The following GRM5 variants were observed in gnomAD, a reference collection of about 807,000 sequenced individuals.
The protein encoded by GRM5 is glutamate metabotropic receptor 5, also known as metabotropic glutamate receptor 5.
GRM5 carries 19 observed loss-of-function variants against 83.1 expected under a neutral mutation model. The observed-to-expected ratio is 0.23, with a 90% confidence interval of 0.16 to 0.34. The LOEUF (loss-of-function observed/expected upper bound fraction) is 0.34. GRM5 is among the 10% of genes least tolerant of loss of function. The pLI, the probability that GRM5 is intolerant of heterozygous loss-of-function variation, is 1.00. For missense variants in GRM5, 1,160 were observed against 1,588.3 expected, an observed-to-expected ratio of 0.73 and a Z score of 4.58; for synonymous variants, 675 against 633.6, an observed-to-expected ratio of 1.07 and a Z score of -0.98.
intron 3 of GRM5, among the ~76,000 whole-genome samples, chr11:88,815,302 C>A (rs192992283): frequency 6.6e-6 from 1 of 152,004 alleles, no homozygotes. Context: ...TATTTGGGAA[C>A]TAAATAAAAC....
intron 3 of GRM5, among the ~76,000 whole-genome samples, chr11:88,695,651 A>G (rs1301225702): frequency 6.6e-6 from 1 of 152,206 alleles, no homozygotes; most frequent in African/African-American, 2.4e-5. Context: ...CCTTCCAAAT[A>G]CAATGGTCCT....
intron 3 of GRM5, among the ~76,000 whole-genome samples, chr11:88,728,670 T>G (rs1254394833): frequency 1.3e-5 from 2 of 152,128 alleles, no homozygotes; most frequent in Non-Finnish European, 2.9e-5. Flanking sequence ...AAAAAGCTTA[T>G]CCACCAGTAT....
intron 3 of GRM5, among the ~76,000 whole-genome samples, chr11:88,785,997 T>C (rs558781730): frequency 3.9e-5 from 6 of 152,254 alleles, no homozygotes; most frequent in African/African-American, 1.4e-4. Flanking sequence ...AAAAATCTGC[T>C]AGTTCAGAAC....
intron 3 of GRM5, among the ~76,000 whole-genome samples, chr11:88,732,125 C>A (rs1941819466): frequency 6.6e-6 from 1 of 152,194 alleles, no homozygotes; most frequent in East Asian, 1.9e-4. Context: ...CCACTACACA[C>A]TGTACATGTC....
intron 4 of GRM5, among the ~76,000 whole-genome samples, chr11:88,611,196 C>A (rs549278052): frequency 1.3e-5 from 2 of 152,142 alleles, no homozygotes; most frequent in East Asian, 3.9e-4. Flanking sequence ...TGTGTCTCTG[C>A]CAGGCTTTGA....
chr11:88,718,263 G>A (rs1335989014), intron 3 of GRM5, among the ~76,000 whole-genome samples: 3 of 151,870 alleles, frequency 2.0e-5, no homozygotes, highest in African/African-American at 7.2e-5. Context: ...GAGAGCAAAG[G>A]TCATATCATC....
In GRM5 at chr11:88,780,561, T is replaced by C. The variant is rs539419211; in HGVS notation, c.911+69345A>G. ...CACTTCAGAGCTTTACAGATAAAAG[T>C]AAATCAGGTAATATTCAGATGAAAG... On this transcript the variant is annotated intron_variant, in intron 3 of 9. Transcript: ENST00000305447. Among the ~76,000 whole-genome samples the C allele has an allele frequency of 4.6e-5, 7 of 152,284 alleles. No individual in the cohort carries two copies. In the South Asian group the frequency reaches 1.5e-3, roughly 32 times the overall value.
At chr11:88,891,021 T>C (rs888376466) in intron 2 of GRM5, among the ~76,000 whole-genome samples, 4 of 152,102 alleles carry the variant, frequency 2.6e-5, no homozygotes, top group African/African-American at 9.6e-5. Flanking sequence ...AAGCATGTTG[T>C]GGAAAGATGG....
rs71046278 is a variant in GRM5, at chr11:89,065,286, T to TCACACACACA, written c.-201+480_-201+489dup. Among the ~76,000 whole-genome samples, 1,095 of 147,448 alleles carry TCACACACACA rather than the reference T, an allele frequency of 7.4e-3. 10 individuals carry two copies. The highest frequency in any genetic ancestry group is 0.029 in the South Asian group (131 of 4,486). The stretch of plus-strand genomic sequence containing the variant: ...TGCCTTTCGTGCACATGTATTGGCA[T>TCACACACACA]CACACACACACACACACACACACAC... On this transcript the variant is annotated intron_variant, in intron 1 of 9. Coordinates refer to ENST00000305447, the MANE Select transcript of GRM5 (RefSeq NM_001143831.3).
Position 88,509,314 on chromosome 11 carries a change from C to A in GRM5, c.2917G>T (p.Gly973Cys). Residue 973 changes from glycine to cysteine, a missense_variant, in exon 10 of 10, where the codon GGC becomes TGC. This residue lies in a region of GRM5 where 562 missense variants were observed against 532.4 expected (regional missense o/e 1.06). Transcript: ENST00000305447. Reference protein sequence around the residue: ...AGAGAGGSAGGVGATGGAGCA... With the variant: ...AGAGAGGSAGCVGATGGAGCA... ...CCCGCACCGCCCGTGGCCCCCACGC[C>A]CCCAGCGCTCCCGCCTGCGCCAGCG... 1 of 1,584,750 alleles carries A rather than the reference C, an allele frequency of 6.3e-7. No individual in the cohort carries two copies. The highest frequency in any genetic ancestry group is 2.4e-5 in the East Asian group (1 of 42,096).
chr11:88,875,462 G>T (rs937317067), intron 2 of GRM5, among the ~76,000 whole-genome samples: 1 of 151,836 alleles, frequency 6.6e-6, no homozygotes, highest in Non-Finnish European at 1.5e-5. Context: ...AATCATCCAT[G>T]AGGGTTGGAA....
chr11:88,509,230 A>T lies in GRM5; in HGVS notation c.3001T>A (p.Tyr1001Asn). The T allele has an allele frequency of 6.6e-7, 1 of 1,511,042 alleles. No homozygotes were observed. The highest frequency in any genetic ancestry group is 1.2e-5 in the South Asian group (1 of 80,560). 93.6% of individuals were successfully genotyped at this position (1,511,042 alleles called of 1,614,324 possible). Reference protein sequence around the residue: ...ESPDAGPKALYDVAEAEEHFP... With the variant: ...ESPDAGPKALNDVAEAEEHFP... Reference sequence around the variant, plus strand: ...TGCTCCTCAGCCTCGGCCACATCATACAGCGCCTTGGGGCCGGCGTCTGGG... The same window carrying T: ...TGCTCCTCAGCCTCGGCCACATCATTCAGCGCCTTGGGGCCGGCGTCTGGG... Residue 1001 changes from tyrosine (Y) to asparagine (N), a missense_variant, in exon 10 of 10, where the codon TAT becomes AAT. Coordinates refer to ENST00000305447, the MANE Select transcript of GRM5 (RefSeq NM_001143831.3).
chr11:88,594,364 T>C (rs1224709897), intron 6 of GRM5, among the ~76,000 whole-genome samples: 2 of 152,182 alleles, frequency 1.3e-5, no homozygotes, highest in Non-Finnish European at 2.9e-5. Context: ...AAGGACCAAA[T>C]TGTAAATATT....
chr11:88,664,147 G>A (rs928838659), intron 3 of GRM5, among the ~76,000 whole-genome samples: 5 of 151,986 alleles, frequency 3.3e-5, no homozygotes, highest in Non-Finnish European at 5.9e-5. Context: ...TTAGAGTCAG[G>A]TAAATGAAAA....
At chr11:88,715,227 A>C (rs1205381958) in intron 3 of GRM5, among the ~76,000 whole-genome samples, 2 of 151,984 alleles carry the variant, frequency 1.3e-5, no homozygotes, top group Non-Finnish European at 2.9e-5. Flanking sequence ...AAAAAGAGTA[A>C]TTGAATTGAA....
chr11:88,841,510 T>A (rs1001902051), intron 3 of GRM5, among the ~76,000 whole-genome samples: 7 of 152,182 alleles, frequency 4.6e-5, no homozygotes, highest in African/African-American at 1.7e-4. Context: ...AAAGCTGCAT[T>A]TTCAAAATTA....
chr11:88,556,202 G>T (rs1216292119), intron 8 of GRM5, among the ~76,000 whole-genome samples: 1 of 152,062 alleles, frequency 6.6e-6, no homozygotes, highest in African/African-American at 2.4e-5. Context: ...GTAAAGTCAT[G>T]TAACCTACTC....
chr11:88,994,445 T>TA (rs1940101179), intron 2 of GRM5, among the ~76,000 whole-genome samples: 1 of 86,902 alleles, frequency 1.2e-5, no homozygotes, highest in Non-Finnish European at 2.3e-5. Flanking sequence ...CTTTAACTGA[T>TA]TATATATATA....
intron 8 of GRM5, among the ~76,000 whole-genome samples, chr11:88,544,495 C>T (rs947566467): frequency 2.0e-5 from 3 of 152,200 alleles, no homozygotes; most frequent in Non-Finnish European, 4.4e-5. Context: ...CCTTGTGTCT[C>T]CTTGAGTGAA....
Sources: gnomAD v4.1 joint callset for allele counts (sites outside exome capture counted in the v4.1 genomes callset) on GRCh38, gnomAD v4.1.1 for gene constraint, gnomAD v4.1.1 regional missense constraint, MANE v1.5 for transcripts, NCBI Gene and HGNC (gene_info 2026-07-23, HGNC 2026-07-21) for gene names.